The following KCNH8 variants were observed in gnomAD, a reference collection of about 807,000 sequenced individuals.
KCNH8 encodes the protein potassium voltage-gated channel subfamily H member 8.
Under a neutral mutation model 103.6 loss-of-function variants are expected in KCNH8, and 70 were observed. That is an observed-to-expected ratio of 0.68 (90% confidence interval 0.56 to 0.82). KCNH8 has a LOEUF of 0.82. Ranked by LOEUF, KCNH8 falls within the 40% of genes least tolerant of loss-of-function variation. The probability of loss-of-function intolerance (pLI) is 0.00; values close to 1 mark genes in which losing one functional copy is unlikely to be tolerated. For synonymous variants in KCNH8, 498 were observed against 489.4 expected (o/e 1.02, Z -0.23); for missense variants, 1,217 against 1,329.9 (o/e 0.92, Z 1.32).
chr3:19,410,025 A>G (rs1031567304), intron 7 of KCNH8, among the ~76,000 whole-genome samples: 1 of 152,158 alleles, frequency 6.6e-6, no homozygotes, highest in Admixed American at 6.6e-5. Flanking sequence ...GACTGGACCT[A>G]ATAAACATCT....
intron 3 of KCNH8, among the ~76,000 whole-genome samples, chr3:19,327,146 A>G (rs1174869305): frequency 1.3e-5 from 2 of 152,258 alleles, no homozygotes; most frequent in Non-Finnish European, 2.9e-5. Context: ...AGTCACACAC[A>G]GTCTTTTCTG....
chr3:19,289,633 G>A (rs1261548631), intron 3 of KCNH8, among the ~76,000 whole-genome samples: 1 of 152,168 alleles, frequency 6.6e-6, no homozygotes, highest in Non-Finnish European at 1.5e-5. Flanking sequence ...CCGTAGCCTT[G>A]TAGTATAGTT....
chr3:19,244,350 G>T (rs147765956), intron 1 of KCNH8, among the ~76,000 whole-genome samples: 1 of 152,148 alleles, frequency 6.6e-6, no homozygotes, highest in Non-Finnish European at 1.5e-5. Context: ...CCATAGATGG[G>T]CCCCTAGGTT....
chr3:19,177,096 T>C (rs930107698), intron 1 of KCNH8, among the ~76,000 whole-genome samples: 4 of 152,092 alleles, frequency 2.6e-5, no homozygotes, highest in African/African-American at 9.7e-5. Flanking sequence ...ACTTCAGCAT[T>C]ATACTTCTGA....
At chr3:19,430,586 T>C (rs1366816372) in intron 7 of KCNH8, among the ~76,000 whole-genome samples, 2 of 152,178 alleles carry the variant, frequency 1.3e-5, no homozygotes, top group African/African-American at 4.8e-5. Context: ...ATATGGCCAT[T>C]TTAATAATAT....
intron 7 of KCNH8, among the ~76,000 whole-genome samples, chr3:19,406,162 G>A (rs1460347249): frequency 6.6e-6 from 1 of 152,140 alleles, no homozygotes; most frequent in Middle Eastern, 3.4e-3. Context: ...CATAACAGCT[G>A]CCATAACTCA....
At chr3:19,336,078 T>G (rs1351750810) in intron 3 of KCNH8, among the ~76,000 whole-genome samples, 1 of 151,658 alleles carries the variant, frequency 6.6e-6, no homozygotes, top group Admixed American at 6.6e-5. Context: ...CTATATTTAT[T>G]TGGTATCTTA....
At chr3:19,460,343 T>C (rs991059860) in intron 11 of KCNH8, among the ~76,000 whole-genome samples, 7 of 152,156 alleles carry the variant, frequency 4.6e-5, no homozygotes, top group African/African-American at 1.7e-4. Flanking sequence ...CTGAAATCTC[T>C]ATCCTGTAAT....
At chr3:19,405,895 A>T (rs578000559) in intron 7 of KCNH8, among the ~76,000 whole-genome samples, 3 of 152,164 alleles carry the variant, frequency 2.0e-5, no homozygotes, top group Non-Finnish European at 2.9e-5. Context: ...GTAGATATCC[A>T]ATGATAAATT....
chr3:19,414,411 GA>G (rs1358195421), intron 7 of KCNH8, among the ~76,000 whole-genome samples: 6 of 151,486 alleles, frequency 4.0e-5, no homozygotes, highest in Admixed American at 2.0e-4. Flanking sequence ...GAAAAACATT[GA>G]AAAAAAGGAA....
chr3:19,488,398 G>A (rs2068254477), intron 11 of KCNH8, among the ~76,000 whole-genome samples: 1 of 152,176 alleles, frequency 6.6e-6, no homozygotes, highest in South Asian at 2.1e-4. Flanking sequence ...ACACTTGATT[G>A]GCTATTTCCA....
intron 1 of KCNH8, among the ~76,000 whole-genome samples, chr3:19,179,887 G>A (rs1170808576): frequency 6.6e-6 from 1 of 151,922 alleles, no homozygotes. Flanking sequence ...AGGAAGAGAA[G>A]GACTTTTTCA....
intron 2 of KCNH8, among the ~76,000 whole-genome samples, chr3:19,263,108 A>G (rs1023611780): frequency 4.6e-5 from 7 of 152,038 alleles, no homozygotes; most frequent in Non-Finnish European, 1.0e-4. Context: ...ACAGCATAAA[A>G]CTTAGATTCT....
At chr3:19,252,956 G>A (rs778327932) in intron 1 of KCNH8, among the ~76,000 whole-genome samples, 2 of 152,224 alleles carry the variant, frequency 1.3e-5, no homozygotes, top group Non-Finnish European at 2.9e-5. Flanking sequence ...GCTTAAGTGG[G>A]TAGGTCAGAA....
intron 5 of KCNH8, among the ~76,000 whole-genome samples, chr3:19,388,024 A>G (rs1057085173): frequency 6.6e-6 from 1 of 151,948 alleles, no homozygotes; most frequent in Non-Finnish European, 1.5e-5. Flanking sequence ...TTGCTGTATC[A>G]GTCAACCATA....
intron 7 of KCNH8, among the ~76,000 whole-genome samples, chr3:19,406,437 G>A (rs143921128): frequency 2.0e-5 from 3 of 152,154 alleles, no homozygotes; most frequent in African/African-American, 7.2e-5. Flanking sequence ...CACTCTCCAG[G>A]TTGGATATAA....
At position 19,450,247 on chromosome 3, in the gene KCNH8, G is replaced by A; in HGVS notation, c.1517G>A (p.Arg506Lys). The change falls in exon 9 of 16, where the codon AGG becomes AAG. Residue 506 changes from arginine (R) to lysine (K), a missense_variant. Arg to Lys is a conservative substitution (Grantham distance 26). Around this residue, in one of 3 missense-constraint regions of KCNH8, gnomAD observed 415 missense variants for 577.4 expected, o/e 0.72. Transcript: ENST00000328405. ...CACTTGCCCCAACAACTCAAGCAGA[G>A]GATGCTCGAATATTTTCAAACAACC... ...VHHLPQQLKQRMLEYFQTTWS... is the reference protein window; with the variant it reads ...VHHLPQQLKQKMLEYFQTTWS... 4 of 1,613,586 alleles carry A rather than the reference G, an allele frequency of 2.5e-6. No individual in the cohort carries two copies. The highest frequency in any genetic ancestry group is 3.4e-6 in the Non-Finnish European group (4 of 1,179,710).
rs926835524 is a variant in KCNH8 at position 19,217,685 on chromosome 3, C to G, written c.77-35969C>G. Reference sequence around the variant, plus strand: ...ATCTCGTAGGTATTAAGCTGTCCAGCTGGGATTCTAATCCAGGCAGGCTGG... The same window carrying G: ...ATCTCGTAGGTATTAAGCTGTCCAGGTGGGATTCTAATCCAGGCAGGCTGG... On this transcript the variant is annotated intron_variant, in intron 1 of 15. Coordinates refer to ENST00000328405, the MANE Select transcript of KCNH8 (RefSeq NM_144633.3). Among the ~76,000 whole-genome samples the G allele has an allele frequency of 5.3e-5, 8 of 152,224 alleles. 1 individual carries two copies. The highest frequency in any genetic ancestry group is 6.8e-3 in the Middle Eastern group (2 of 294).
In KCNH8 at chr3:19,241,723, GACACACACAC is replaced by G. The variant is rs71055059; in HGVS notation, c.77-11911_77-11902del. On this transcript the variant is annotated intron_variant, in intron 1 of 15. Coordinates refer to ENST00000328405, the MANE Select transcript of KCNH8 (RefSeq NM_144633.3). ...ATTCAGTTATAAAAATACACACACAGACACACACACACACACACACACACACACATGCTTG... is the reference window on the plus strand; with the variant it reads ...ATTCAGTTATAAAAATACACACACAGACACACACACACACACACATGCTTG... Among the ~76,000 whole-genome samples, 87 of 147,808 alleles carry G rather than the reference GACACACACAC, an allele frequency of 5.9e-4. 1 individual carries two copies. The highest frequency in any genetic ancestry group is 1.2e-3 in the Non-Finnish European group (78 of 66,760).
Sources: gnomAD v4.1 joint callset for allele counts (sites outside exome capture counted in the v4.1 genomes callset) on GRCh38, gnomAD v4.1.1 for gene constraint, gnomAD v4.1.1 regional missense constraint, MANE v1.5 for transcripts, NCBI Gene and HGNC (gene_info 2026-07-23, HGNC 2026-07-21) for gene names.